L3MBTL1: variants seen among roughly 807,000 people sequenced by gnomAD.
L3MBTL1 encodes lethal(3)malignant brain tumor-like protein 1.
L3MBTL1 carries 75 observed loss-of-function variants against 105.3 expected under a neutral mutation model. The ratio of observed to expected loss-of-function variants is 0.71; its 90% CI spans 0.59 to 0.86. The LOEUF (loss-of-function observed/expected upper bound fraction) is 0.86. L3MBTL1 is among the 40% of genes least tolerant of loss of function. The probability of loss-of-function intolerance (pLI) is 0.00; values close to 1 mark genes in which losing one functional copy is unlikely to be tolerated. For synonymous variants in L3MBTL1, 452 were observed against 436.2 expected (o/e 1.04, Z -0.45); for missense variants, 1,069 against 1,126.4 (o/e 0.95, Z 0.73).
At chr20:43,526,902 G>A (rs1048260006) in intron 7 of L3MBTL1, among the ~76,000 whole-genome samples, 4 of 152,156 alleles carry the variant, frequency 2.6e-5, no homozygotes, top group African/African-American at 7.2e-5. Flanking sequence ...AACTGAGATT[G>A]CACCACTGCA....
exon 19 of L3MBTL1, chr20:43,548,155 T>C: frequency 7.7e-7 from 1 of 1,304,254 alleles, no homozygotes; most frequent in Non-Finnish European, 1.0e-6. Context: ...AGGCGGACAT[T>C]GTGAAGATCA....
intron 9 of L3MBTL1, 33 bp from the exon 10 acceptor site, chr20:43,530,251 C>T (rs369437899): frequency 9.9e-6 from 16 of 1,613,174 alleles, no homozygotes; most frequent in African/African-American, 1.3e-5. Context: ...CATCTCCTGA[C>T]ATTGGAGTTC....
intron 20 of L3MBTL1, 38 bp from the exon 21 acceptor site, chr20:43,540,715 T>C: frequency 1.2e-6 from 2 of 1,608,132 alleles, no homozygotes; most frequent in Non-Finnish European, 1.7e-6. Context: ...ATGCCTAAGC[T>C]CTGTCCCCTG....
chr20:43,543,066 C>G (rs2019973430), downstream of L3MBTL1, among the ~76,000 whole-genome samples: 1 of 151,588 alleles, frequency 6.6e-6, no homozygotes, highest in African/African-American at 2.4e-5. Flanking sequence ...ATGTCAACTA[C>G]AGTCGAACCA....
Position 43,541,222 on chromosome 20 carries a change from A to G in L3MBTL1, c.*94A>G. 1 of 1,525,738 alleles carries G rather than the reference A, an allele frequency of 6.6e-7. No individual in the cohort carries two copies. The allele number at this position is 1,525,738 out of a possible 1,614,324, so 94.5% of individuals were successfully genotyped here. On this transcript the variant is annotated 3_prime_UTR_variant, in exon 22 of 22. Coordinates refer to ENST00000418998, the MANE Select transcript of L3MBTL1 (RefSeq NM_001377303.1). The stretch of plus-strand genomic sequence containing the variant: ...TGTGATTTACTGCAAGGATCCTAAC[A>G]CACACTTAAAATCAAGAGCCAAGGA...
chr20:43,516,136 C>G lies in L3MBTL1; in HGVS notation c.821C>G (p.Ala274Gly). 6.2e-7 allele frequency: 1 copy of G among 1,614,088 alleles called. No homozygotes were observed. ...AAGGACCCAGAGGGACAACCCACTG[C>G]TAGCACCCCAGAGAGTGAGGAGTGG... ...EGKDPEGQPT[A>G]STPESEEWSS... The change falls in exon 7 of 22, where the codon GCT becomes GGT. Residue 274 changes from alanine (A) to glycine (G), a missense_variant. Coordinates refer to ENST00000418998, the MANE Select transcript of L3MBTL1 (RefSeq NM_001377303.1).
In L3MBTL1 at chr20:43,518,168, G is replaced by A. The variant is rs567878641; in HGVS notation, c.862+1991G>A. ...CCCCCAACGCCTTTTTTTTTTTTTC[G>A]TTTTCCAAGGAAAGAAACTGTATCA... On this transcript the variant is annotated intron_variant, in intron 7 of 21. Transcript: ENST00000418998. Among the ~76,000 whole-genome samples the A allele has an allele frequency of 1.7e-3, 229 of 134,298 alleles. 1 individual carries two copies. Among genetic ancestry groups the A allele is most frequent in the Middle Eastern group, 0.012 (3 of 242 alleles). 88.1% of individuals were successfully genotyped at this position (134,298 alleles called of 152,430 possible).
At chr20:43,510,643 C>T (rs900824850) in intron 1 of L3MBTL1, among the ~76,000 whole-genome samples, 1 of 151,306 alleles carries the variant, frequency 6.6e-6, no homozygotes, top group Non-Finnish European at 1.5e-5. Context: ...TCTTGAACTC[C>T]TGACCTCAGG....
At chr20:43,544,387 T>C (rs1024960945), downstream of L3MBTL1, among the ~76,000 whole-genome samples, 3 of 152,218 alleles carry the variant, frequency 2.0e-5, no homozygotes, top group Non-Finnish European at 4.4e-5. Flanking sequence ...TTGTATGGCT[T>C]ATTTTATCCA....
chr20:43,514,374 C>A, intron 3 of L3MBTL1: 1 of 1,370,508 alleles, frequency 7.3e-7, no homozygotes, highest in Non-Finnish European at 9.6e-7. Context: ...GAGTGGGGTA[C>A]CGTGGGACTG....
exon 19 of L3MBTL1, chr20:43,549,139 C>T (rs1487261530): frequency 6.6e-6 from 1 of 152,258 alleles, no homozygotes; most frequent in Non-Finnish European, 1.5e-5. Context: ...ATTTGTTAGA[C>T]AATCTCGGGT....
chr20:43,515,289 C>T lies in L3MBTL1; in HGVS notation c.654-3C>T. 1.9e-6 allele frequency: 3 copies of T among 1,607,542 alleles called. No homozygotes were observed. Among genetic ancestry groups the T allele is most frequent in the Non-Finnish European group, 2.5e-6 (3 of 1,176,606 alleles). The stretch of plus-strand genomic sequence containing the variant: ...TCTTTCCCTAAGGCTGGCCCTTCCT[C>T]AGGTCAGTCATAGTGGAGAACTCCT... On this transcript the variant is annotated splice_polypyrimidine_tract_variant and splice_region_variant and intron_variant, in intron 5 of 21. Coordinates refer to ENST00000418998, the MANE Select transcript of L3MBTL1 (RefSeq NM_001377303.1).
At chr20:43,540,358 C>T (rs1166697565) in intron 20 of L3MBTL1, 50 bp downstream of exon 20, 3 of 1,597,096 alleles carry the variant, frequency 1.9e-6, no homozygotes, top group Non-Finnish European at 2.6e-6. Context: ...CCTCCTCCCT[C>T]TCACCATACC....
intron 8 of L3MBTL1, 86 bp downstream of exon 8, chr20:43,528,831 G>A (rs1160501155): frequency 2.9e-6 from 3 of 1,027,680 alleles, no homozygotes; most frequent in Non-Finnish European, 4.6e-6. Flanking sequence ...GGCGTTTTCT[G>A]TGTCAGGCAT....
chr20:43,522,456 A>AT (rs778355165), intron 7 of L3MBTL1, among the ~76,000 whole-genome samples: 5,063 of 89,704 alleles, frequency 0.056, 648 homozygotes, highest in East Asian at 0.15. Context: ...TTCCCTGCTA[A>AT]GTTTTTTTTT....
At chr20:43,518,642 A>G (rs2145398352) in intron 7 of L3MBTL1, among the ~76,000 whole-genome samples, 1 of 151,976 alleles carries the variant, frequency 6.6e-6, no homozygotes, top group African/African-American at 2.4e-5. Context: ...GACGCTTGAA[A>G]CCATGGATAG....
At chr20:43,532,501 T>C (rs1252635244) in intron 11 of L3MBTL1, 5 of 383,374 alleles carry the variant, frequency 1.3e-5, no homozygotes, top group African/African-American at 1.0e-4. Flanking sequence ...CCAGGTTCTT[T>C]GGGCGAACGC....
intron 6 of L3MBTL1, 135 bp downstream of exon 6, chr20:43,515,550 G>A (rs545930582): frequency 1.2e-4 from 145 of 1,224,196 alleles, no homozygotes; most frequent in East Asian, 5.9e-4. Context: ...CATATTTTGG[G>A]GTCCCATCCT....
In L3MBTL1 at chr20:43,541,416, A is replaced by G. The variant is rs933731307; in HGVS notation, c.*288A>G. 2.6e-5 allele frequency: 10 copies of G among 381,704 alleles called. No individual in the cohort carries two copies. Among genetic ancestry groups the G allele is most frequent in the African/African-American group, 1.4e-4 (7 of 49,280 alleles). The allele number at this position is 381,704 out of a possible 1,614,324, so 23.6% of individuals were successfully genotyped here. On this transcript the variant is annotated 3_prime_UTR_variant, in exon 22 of 22. Transcript: ENST00000418998. ...TCTACCTTGCAGAGCCATTGTGAGCATTGGAAATGATGAATGAATCATACC... is the reference window on the plus strand; with the variant it reads ...TCTACCTTGCAGAGCCATTGTGAGCGTTGGAAATGATGAATGAATCATACC...
Sources: allele counts gnomAD v4.1 joint callset (sites outside exome capture counted in the v4.1 genomes callset), GRCh38; gene constraint gnomAD v4.1.1; transcripts MANE v1.5; gene names NCBI Gene and HGNC (gene_info 2026-07-23, HGNC 2026-07-21).